The following TRERF1 variants were observed in gnomAD, a reference collection of about 807,000 sequenced individuals.
TRERF1 encodes the protein transcriptional-regulating factor 1.
A neutral mutation model predicts 122.9 loss-of-function variants in TRERF1; 27 were observed. The observed-to-expected ratio is 0.22, with a 90% CI of 0.16 to 0.30. The LOEUF (loss-of-function observed/expected upper bound fraction) is 0.30. Ranked by LOEUF, TRERF1 falls within the 10% of genes least tolerant of loss-of-function variation. The pLI is 1.00. For missense variants in TRERF1, 1,248 were observed against 1,560.3 expected (o/e 0.80, Z 3.37); for synonymous variants, 636 against 641.7 (o/e 0.99, Z 0.13).
At chr6:42,357,848 T>C (rs1770893399) in intron 3 of TRERF1, among the ~76,000 whole-genome samples, 1 of 152,162 alleles carries the variant, frequency 6.6e-6, no homozygotes, top group South Asian at 2.1e-4. Flanking sequence ...TAGTTAAGCT[T>C]CTGGATGGCA....
In TRERF1 at chr6:42,263,725, G is replaced by C. The variant is rs548715263; in HGVS notation, c.1636-157C>G. ...CCTGCAATCCTGAGTCCCTTGGCTGGAGTGATGCCAGCTGATGGTGGAAGA... is the reference window on the plus strand; with the variant it reads ...CCTGCAATCCTGAGTCCCTTGGCTGCAGTGATGCCAGCTGATGGTGGAAGA... On this transcript the variant is annotated intron_variant, in intron 7 of 17. Coordinates refer to ENST00000372922, the Ensembl canonical transcript of TRERF1. The surrounding 1 kb of genome is among the most constrained non-coding windows in gnomAD (Gnocchi z 5.6). Among the ~76,000 whole-genome samples the C allele has an allele frequency of 1.9e-3, 286 of 152,336 alleles. 1 individual carries two copies. The highest frequency in any genetic ancestry group is 6.3e-3 in the African/African-American group (262 of 41,574).
In TRERF1 at chr6:42,293,305, G is replaced by A. The variant is rs563173808; in HGVS notation, c.-259+7333C>T. On this transcript the variant is annotated intron_variant, in intron 4 of 17. Transcript: ENST00000372922. ...CCTTGAGATAAGCTATGGAAGCTCC[G>A]AGGGAGGAAGAGAGAGTTCCAAAGG... 3.3e-5 allele frequency among the ~76,000 whole-genome samples: 5 copies of A among 152,296 alleles called. No individual in the cohort carries two copies. In the South Asian group the frequency reaches 6.2e-4, roughly 19 times the overall value.
intron 2 of TRERF1, among the ~76,000 whole-genome samples, chr6:42,445,343 TA>T (rs1260178061): frequency 8.1e-5 from 8 of 99,264 alleles, no homozygotes; most frequent in Admixed American, 6.0e-4. Flanking sequence ...CAGGAAACAC[TA>T]CACACACAGA....
intron 3 of TRERF1, among the ~76,000 whole-genome samples, chr6:42,321,628 C>T (rs1436779026): frequency 1.3e-5 from 2 of 152,150 alleles, no homozygotes; most frequent in South Asian, 2.1e-4. Flanking sequence ...GCATATACTG[C>T]GAGTGGTAGG....
intron 4 of TRERF1, among the ~76,000 whole-genome samples, chr6:42,273,370 T>C (rs1278103114): frequency 1.3e-5 from 2 of 152,172 alleles, no homozygotes; most frequent in Non-Finnish European, 2.9e-5. Flanking sequence ...AAGGGCAGTA[T>C]TTATTGAATG....
At chr6:42,348,893 G>T (rs545134361) in intron 3 of TRERF1, among the ~76,000 whole-genome samples, 1 of 152,192 alleles carries the variant, frequency 6.6e-6, no homozygotes, top group Non-Finnish European at 1.5e-5. Context: ...GTGAAAAGAA[G>T]TGGAAGACTC....
At chr6:42,389,710 G>A (rs1268661837) in intron 2 of TRERF1, among the ~76,000 whole-genome samples, 1 of 152,218 alleles carries the variant, frequency 6.6e-6, no homozygotes, top group Non-Finnish European at 1.5e-5. Context: ...CAATTCAGGT[G>A]AAGCCCACAC....
chr6:42,381,854 T>C (rs1192140022), intron 2 of TRERF1, among the ~76,000 whole-genome samples: 3 of 147,356 alleles, frequency 2.0e-5, no homozygotes, highest in African/African-American at 7.6e-5. Flanking sequence ...CCCTGGAATC[T>C]AGTGTGCTGG....
intron 4 of TRERF1, among the ~76,000 whole-genome samples, chr6:42,272,468 C>T (rs1385859053): frequency 6.6e-6 from 1 of 152,160 alleles, no homozygotes; most frequent in African/African-American, 2.4e-5. Context: ...AAAGGGTGGT[C>T]CAGGTCCCCT....
intron 2 of TRERF1, among the ~76,000 whole-genome samples, chr6:42,407,028 T>A (rs1430104465): frequency 2.6e-5 from 4 of 152,214 alleles, no homozygotes; most frequent in African/African-American, 9.6e-5. Flanking sequence ...GGGCTTGGGC[T>A]AAGAAGCTCA....
At chr6:42,412,159 C>A (rs975589165) in intron 2 of TRERF1, among the ~76,000 whole-genome samples, 5 of 151,978 alleles carry the variant, frequency 3.3e-5, no homozygotes, top group African/African-American at 1.2e-4. Context: ...CGCCACCATG[C>A]CTGGCTAATT....
chr6:42,432,096 T>C (rs1035616116), intron 2 of TRERF1, among the ~76,000 whole-genome samples: 1 of 152,198 alleles, frequency 6.6e-6, no homozygotes, highest in East Asian at 1.9e-4. Flanking sequence ...TATTCCCTCA[T>C]GCCTCAGATT....
At chr6:42,264,648 A>G in intron 7 of TRERF1, 56 bp downstream of exon 7, 1 of 1,588,600 alleles carries the variant, frequency 6.3e-7, no homozygotes, top group Non-Finnish European at 8.6e-7. Flanking sequence ...TGACGGCAGC[A>G]AAGCAAAGCA....
At chr6:42,322,779 T>C (rs554297756) in intron 3 of TRERF1, among the ~76,000 whole-genome samples, 1 of 152,260 alleles carries the variant, frequency 6.6e-6, no homozygotes, top group African/African-American at 2.4e-5. Context: ...CTGTAAAAGA[T>C]AGCCGTTGCC....
intron 2 of TRERF1, among the ~76,000 whole-genome samples, chr6:42,449,977 G>A (rs1028276734): frequency 2.2e-4 from 33 of 152,182 alleles, no homozygotes; most frequent in African/African-American, 7.2e-4. Context: ...AACGTCTCCG[G>A]GTTGGACCCG....
At chr6:42,408,267 A>ATGTATACATACTCATGTGTG (rs1780544004) in intron 2 of TRERF1, among the ~76,000 whole-genome samples, 1 of 123,358 alleles carries the variant, frequency 8.1e-6, no homozygotes, top group African/African-American at 3.2e-5. Flanking sequence ...ATGTGTGTGT[A>ATGTATACATACTCATGTGTG]TGTATATATA....
At chr6:42,278,634 T>G (rs776783957) in intron 4 of TRERF1, among the ~76,000 whole-genome samples, 1 of 152,134 alleles carries the variant, frequency 6.6e-6, no homozygotes, top group Non-Finnish European at 1.5e-5. Context: ...CCACAGTTGA[T>G]ACCATCCCCC....
At chr6:42,416,376 G>C (rs1236793963) in intron 2 of TRERF1, among the ~76,000 whole-genome samples, 1 of 152,162 alleles carries the variant, frequency 6.6e-6, no homozygotes, top group African/African-American at 2.4e-5. Flanking sequence ...ATTTTCCCAT[G>C]TTGAGGAGGT....
At chr6:42,349,473 A>C (rs1172681675) in intron 3 of TRERF1, among the ~76,000 whole-genome samples, 1 of 152,072 alleles carries the variant, frequency 6.6e-6, no homozygotes, top group Non-Finnish European at 1.5e-5. Context: ...AATATGGTTA[A>C]AGTAATGCTA....
Sources: gnomAD v4.1 joint callset for allele counts (sites outside exome capture counted in the v4.1 genomes callset) on GRCh38, gnomAD v4.1.1 for gene constraint, Gnocchi (gnomAD v3.1) non-coding constraint, MANE v1.5 for transcripts, NCBI Gene and HGNC (gene_info 2026-07-23, HGNC 2026-07-21) for gene names.